Variants in C9orf78 observed in about 807,000 individuals in gnomAD.
The protein encoded by C9orf78 is chromosome 9 open reading frame 78.
C9orf78 carries 19 observed loss-of-function variants against 37.4 expected under a neutral mutation model. That is an observed-to-expected ratio of 0.51 (90% CI 0.35 to 0.74). The LOEUF is 0.74. Ranked by LOEUF, C9orf78 falls within the 30% of genes least tolerant of loss-of-function variation. C9orf78 has a pLI of 0.01. For synonymous variants in C9orf78, 130 were observed against 128.0 expected (o/e 1.02, Z -0.10); for missense variants, 291 against 370.8 (o/e 0.78, Z 1.77).
chr9:129,831,170 TCCA>T, intron 5 of C9orf78, 102 bp from the exon 6 acceptor site: 1 of 746,938 alleles, frequency 1.3e-6, no homozygotes, highest in Non-Finnish European at 2.4e-6. Context: ...CCAGTGACAG[TCCA>T]TGGAGAAACG....
rs368566789 is a variant in C9orf78 at position 129,834,690 on chromosome 9, C to G, written c.143+17G>C. 6.3e-7 allele frequency: 1 copy of G among 1,597,648 alleles called. No individual in the cohort carries two copies. Among genetic ancestry groups the G allele is most frequent in the Admixed American group, 1.7e-5 (1 of 59,762 alleles). ...GTCGTCCCCGCCGCCTCCTCCTCCT[C>G]CCCGCGTGGTACCCACCTCACCCCG... On this transcript the variant is annotated intron_variant, in intron 2 of 8. Transcript: ENST00000372447.
Position 129,830,992 on chromosome 9 carries a change from T to G in C9orf78, c.421A>C (p.Asn141His). Residue 141 changes from asparagine (N) to histidine (H), a missense_variant, in exon 6 of 9, where the codon AAT (asparagine) becomes CAT (histidine). By Grantham distance (68) the Asn-to-His change is moderately conservative (BLOSUM62 1). This residue lies in a region of C9orf78 where 158 missense variants were observed against 174.8 expected (regional missense o/e 0.90). Transcript: ENST00000372447. ...EHEEQKVKPK[N>H]AEDCLYELPE... ...AGTTCATAAAGACAGTCCTCTGCAT[T>G]CTTTGGCTTAACTTTCTGTTCCTCA... 6.2e-7 allele frequency: 1 copy of G among 1,613,162 alleles called. No homozygotes were observed. The highest frequency in any genetic ancestry group is 8.5e-7 in the Non-Finnish European group (1 of 1,179,120).
At chr9:129,834,206 T>A (rs1402770401) in intron 2 of C9orf78, 2 of 182,914 alleles carry the variant, frequency 1.1e-5, no homozygotes, top group African/African-American at 4.8e-5. Context: ...AATGTCATAA[T>A]GAGTTGAAAA....
chr9:129,831,049 C>T lies in C9orf78; in HGVS notation c.364G>A (p.Glu122Lys), dbSNP rs770397389. 4 of 1,613,152 alleles carry T rather than the reference C, an allele frequency of 2.5e-6. No individual in the cohort carries two copies. The highest frequency in any genetic ancestry group is 3.4e-6 in the Non-Finnish European group (4 of 1,179,296). Residue 122 changes from glutamate (E) to lysine (K), a missense_variant, in exon 6 of 9, where the codon GAG (glutamate) becomes AAG (lysine). Transcript: ENST00000372447. The stretch of plus-strand genomic sequence containing the variant: ...ACGATCCCTTTCCTCTTCTTTAGCT[C>T]TGTCTCAATGTACTTCATCCTGAAG... Reference protein sequence around the residue: ...DADMMKYIETELKKRKGIVEH... With the variant: ...DADMMKYIETKLKKRKGIVEH...
chr9:129,831,374 A>G, intron 5 of C9orf78: 2 of 397,006 alleles, frequency 5.0e-6, no homozygotes, highest in South Asian at 7.0e-5. Flanking sequence ...TATCCCTGCA[A>G]TGTTTTGGGG....
Position 129,829,225 on chromosome 9 carries a change from G to A in C9orf78, c.758C>T (p.Thr253Met), listed in dbSNP as rs769525413. Reference sequence around the variant, plus strand: ...CTCACGCTCAGGCTCTGGCTTCTCCGTGTCACCTACTCTCAAGGGCCGGGC... The same window carrying A: ...CTCACGCTCAGGCTCTGGCTTCTCCATGTCACCTACTCTCAAGGGCCGGGC... ...PKARPLRVGDTEKPEPERSPP... is the reference protein window; with the variant it reads ...PKARPLRVGDMEKPEPERSPP... Residue 253 changes from threonine (T) to methionine (M), a missense_variant, in exon 8 of 9, where the codon ACG becomes ATG. This residue lies in a region of C9orf78 where 120 missense variants were observed against 148.7 expected (regional missense o/e 0.81). Coordinates refer to ENST00000372447, the MANE Select transcript of C9orf78 (RefSeq NM_016520.3). 3.1e-5 allele frequency: 50 copies of A among 1,613,330 alleles called. No homozygotes were observed. The highest frequency in any genetic ancestry group is 4.1e-5 in the Non-Finnish European group (48 of 1,179,494).
rs532549845 is a variant in C9orf78 at position 129,833,031 on chromosome 9, A to G, written c.266+416T>C. Among the ~76,000 whole-genome samples, 373 of 133,752 alleles carry G rather than the reference A, an allele frequency of 2.8e-3. 2 individuals carry two copies. Among genetic ancestry groups the G allele is most frequent in the African/African-American group, 9.1e-3 (361 of 39,558 alleles). The allele number at this position is 133,752 out of a possible 152,430, so 87.7% of individuals were successfully genotyped here. ...TGTGTGTGTGTATATGTGTATATAC[A>G]TGTGTGTATATACATATGTGTATAT... On this transcript the variant is annotated intron_variant, in intron 4 of 8. Transcript: ENST00000372447.
rs747052904 is a variant in C9orf78 at position 129,835,229 on chromosome 9, A to G, written c.-8T>C. ...CTTCCGGACGACCGGCATGGTGACAACGGCCGAGTTGTACAGCCGCCGCGC... is the reference window on the plus strand; with the variant it reads ...CTTCCGGACGACCGGCATGGTGACAGCGGCCGAGTTGTACAGCCGCCGCGC... On this transcript the variant is annotated 5_prime_UTR_variant, in exon 1 of 9. Coordinates refer to ENST00000372447, the MANE Select transcript of C9orf78 (RefSeq NM_016520.3). 3.7e-6 allele frequency: 6 copies of G among 1,603,090 alleles called. No individual in the cohort carries two copies. Among genetic ancestry groups the G allele is most frequent in the South Asian group, 2.2e-5 (2 of 90,916 alleles).
Position 129,828,780 on chromosome 9 carries a change from G to A in C9orf78, c.778+425C>T, listed in dbSNP as rs1025427451. On this transcript the variant is annotated intron_variant, in intron 8 of 8. Transcript: ENST00000372447. ...TGGTCTCACTCTGTCACGCAGGCTA[G>A]AGTGCAGTGGTCCAATCATAGCTCA... 4 of 301,310 alleles carry A rather than the reference G, an allele frequency of 1.3e-5. No homozygotes were observed. In the Admixed American group the frequency reaches 2.0e-4, roughly 15 times the overall value. The allele number at this position is 301,310 out of a possible 1,614,324, so 18.7% of individuals were successfully genotyped here.
In C9orf78 at chr9:129,828,422, T is replaced by TC. The variant is rs397726852; in HGVS notation, c.779-171dup. The stretch of plus-strand genomic sequence containing the variant: ...AGATACGTATTTGTCTTTTTTTTTT[T>TC]CTTTTCTTTTCTTTTTTTTGAGATG... On this transcript the variant is annotated intron_variant, in intron 8 of 8. Transcript: ENST00000372447. 6.6e-4 allele frequency: 297 copies of TC among 450,108 alleles called. 2 individuals carry two copies. The highest frequency in any genetic ancestry group is 6.3e-3 in the South Asian group (287 of 45,328). The allele number at this position is 450,108 out of a possible 1,614,324, so 27.9% of individuals were successfully genotyped here.
At chr9:129,833,205 T>C (rs1023399122) in intron 4 of C9orf78, among the ~76,000 whole-genome samples, 1 of 151,692 alleles carries the variant, frequency 6.6e-6, no homozygotes, top group Non-Finnish European at 1.5e-5. Flanking sequence ...GTTGGGATTA[T>C]AGGCATGAGT....
intron 5 of C9orf78, chr9:129,831,687 G>C: frequency 1.9e-6 from 1 of 514,310 alleles, no homozygotes; most frequent in East Asian, 3.4e-5. Context: ...GCCTCCCAAA[G>C]TGCTGGGACT....
chr9:129,834,703 C>T lies in C9orf78; in HGVS notation c.143+4G>A. On this transcript the variant is annotated splice_donor_region_variant and intron_variant, in intron 2 of 8. Transcript: ENST00000372447. ...CCTCCTCCTCCTCCCCGCGTGGTAC[C>T]CACCTCACCCCGTTGGGCCTCTTCC... 1 of 1,608,004 alleles carries T rather than the reference C, an allele frequency of 6.2e-7. No homozygotes were observed. Among genetic ancestry groups the T allele is most frequent in the East Asian group, 2.2e-5 (1 of 44,820 alleles).
rs1195474709 is a variant in C9orf78 at position 129,832,859 on chromosome 9, G to A, written c.266+588C>T. Among the ~76,000 whole-genome samples, 6 of 151,942 alleles carry A rather than the reference G, an allele frequency of 3.9e-5. No homozygotes were observed. In the East Asian group the frequency reaches 1.2e-3, roughly 29 times the overall value. ...GGCTGGAGTGCAGTGGTGTGATCGC[G>A]GCTCACTCTAGCCTCAACCTCCCTG... On this transcript the variant is annotated intron_variant, in intron 4 of 8. Transcript: ENST00000372447.
chr9:129,831,992 G>A lies in C9orf78; in HGVS notation c.267-19C>T. The A allele has an allele frequency of 1.6e-6, 2 of 1,249,782 alleles. No homozygotes were observed. Among genetic ancestry groups the A allele is most frequent in the South Asian group, 1.2e-5 (1 of 83,832 alleles). The allele number at this position is 1,249,782 out of a possible 1,614,324, so 77.4% of individuals were successfully genotyped here. On this transcript the variant is annotated intron_variant, in intron 4 of 8. Transcript: ENST00000372447. ...ACTGATCCTGGAGGGAGAGAACAAT[G>A]AGGCAGAGCTTTCAAGTCACAACTC... is the stretch of plus-strand genomic sequence containing the variant.
intron 1 of C9orf78, 128 bp from the exon 2 acceptor site, chr9:129,834,894 C>G: frequency 1.3e-6 from 1 of 775,592 alleles, no homozygotes; most frequent in Admixed American, 2.1e-5. Flanking sequence ...GCACAGTGGT[C>G]CAGAGGACGA....
intron 2 of C9orf78, chr9:129,834,307 A>T (rs927429349): frequency 6.3e-5 from 13 of 206,612 alleles, no homozygotes; most frequent in Non-Finnish European, 1.2e-4. Context: ...CAATATTAAT[A>T]CCAGTGCATT....
chr9:129,832,033 T>C, intron 4 of C9orf78, 60 bp from the exon 5 acceptor site: 1 of 826,704 alleles, frequency 1.2e-6, no homozygotes, highest in Non-Finnish European at 2.2e-6. Context: ...GGCTGAGTTT[T>C]ATGTTCTAAG....
chr9:129,831,810 T>C, intron 5 of C9orf78, 86 bp downstream of exon 5: 1 of 778,472 alleles, frequency 1.3e-6, no homozygotes, highest in Non-Finnish European at 2.4e-6. Context: ...TAGAAAATTC[T>C]AGAAATGTCA....
Sources: gnomAD v4.1 joint callset for allele counts (sites outside exome capture counted in the v4.1 genomes callset) on GRCh38, gnomAD v4.1.1 for gene constraint, gnomAD v4.1.1 regional missense constraint, MANE v1.5 for transcripts, NCBI Gene and HGNC (gene_info 2026-07-23, HGNC 2026-07-21) for gene names.